CSMD2: variants seen among roughly 807,000 people sequenced by gnomAD.
The protein encoded by CSMD2 is CUB and sushi domain-containing protein 2.
Under a neutral mutation model 398.5 loss-of-function variants are expected in CSMD2, and 130 were observed. The observed-to-expected ratio is 0.33, with a 90% CI of 0.28 to 0.38. The LOEUF (loss-of-function observed/expected upper bound fraction) is 0.38. CSMD2 is among the 10% of genes least tolerant of loss of function. CSMD2 has a pLI of 1.00. For missense variants in CSMD2, 3,829 were observed against 4,764.9 expected (o/e 0.80, Z 5.78); for synonymous variants, 1,828 against 1,908.5 (o/e 0.96, Z 1.10).
At chr1:33,820,325 C>A in intron 8 of CSMD2, 144 bp downstream of exon 8, 1 of 692,458 alleles carries the variant, frequency 1.4e-6, no homozygotes, top group East Asian at 2.5e-5. Context: ...AATGTCAAAG[C>A]CATAGCTCTT....
At chr1:33,766,651 GGT>G (rs1650542081) in intron 13 of CSMD2, among the ~76,000 whole-genome samples, 1 of 152,176 alleles carries the variant, frequency 6.6e-6, no homozygotes, top group Non-Finnish European at 1.5e-5. Flanking sequence ...AGTCCACAAA[GGT>G]GTGCTACAGA....
chr1:33,913,246 A>G (rs1485124463), intron 5 of CSMD2, among the ~76,000 whole-genome samples: 1 of 152,182 alleles, frequency 6.6e-6, no homozygotes, highest in Non-Finnish European at 1.5e-5. Context: ...CCCCTCTTCT[A>G]ACTTTTGCAA....
rs72457395 is a variant in CSMD2 at position 33,957,929 on chromosome 1, C to CTGTG, written c.518-21979_518-21976dup. 7.8e-3 allele frequency among the ~76,000 whole-genome samples: 1,169 copies of CTGTG among 150,214 alleles called. 9 individuals carry two copies. Among genetic ancestry groups the CTGTG allele is most frequent in the Non-Finnish European group, 0.01 (677 of 67,368 alleles). ...TGTACTAGACCCATTAACTCAGTCACTGTGTGTGTGTGTGTGTGTGTGTGT... is the reference window on the plus strand; with the variant it reads ...TGTACTAGACCCATTAACTCAGTCACTGTGTGTGTGTGTGTGTGTGTGTGTGTGT... On this transcript the variant is annotated intron_variant, in intron 3 of 70. Transcript: ENST00000373381.
intron 5 of CSMD2, among the ~76,000 whole-genome samples, chr1:33,879,681 G>C (rs958537835): frequency 6.6e-6 from 1 of 152,178 alleles, no homozygotes; most frequent in Non-Finnish European, 1.5e-5. Context: ...CTATAATCAT[G>C]AGCATTGGTT....
intron 5 of CSMD2, among the ~76,000 whole-genome samples, chr1:33,916,143 G>A (rs1643711579): frequency 6.6e-6 from 1 of 152,020 alleles, no homozygotes; most frequent in Non-Finnish European, 1.5e-5. Context: ...CATCTGTGAT[G>A]GTACAGGAAA....
intron 46 of CSMD2, among the ~76,000 whole-genome samples, chr1:33,584,328 C>T (rs774316068): frequency 1.3e-5 from 2 of 152,170 alleles, no homozygotes; most frequent in Non-Finnish European, 2.9e-5. Context: ...GCTTCTCTAT[C>T]TCCAACACAG....
chr1:33,831,323 C>T (rs1040219268), intron 6 of CSMD2, among the ~76,000 whole-genome samples: 1 of 152,210 alleles, frequency 6.6e-6, no homozygotes, highest in Non-Finnish European at 1.5e-5. Flanking sequence ...TCGGCAGAAA[C>T]TCTACAAGTC....
intron 3 of CSMD2, among the ~76,000 whole-genome samples, chr1:33,959,951 G>C (rs770854725): frequency 6.6e-6 from 1 of 152,170 alleles, no homozygotes; most frequent in Non-Finnish European, 1.5e-5. Context: ...TCCTAGCAGC[G>C]TGGGCATAGG....
At chr1:33,708,728 A>G (rs551219444) in intron 22 of CSMD2, among the ~76,000 whole-genome samples, 36 of 151,974 alleles carry the variant, frequency 2.4e-4, no homozygotes, top group African/African-American at 8.0e-4. Context: ...CAGCCTACCC[A>G]GTAGCTGGGA....
At chr1:34,108,694 G>A (rs927473820) in intron 1 of CSMD2, among the ~76,000 whole-genome samples, 2 of 152,200 alleles carry the variant, frequency 1.3e-5, no homozygotes, top group African/African-American at 4.8e-5. Context: ...GAGGGAAAGA[G>A]GCTGAAGAGG....
chr1:33,956,843 T>C (rs1645186187), intron 3 of CSMD2, among the ~76,000 whole-genome samples: 1 of 152,082 alleles, frequency 6.6e-6, no homozygotes, highest in Admixed American at 6.6e-5. Context: ...AATTAGAGCA[T>C]GTCTCTCCCC....
intron 65 of CSMD2, among the ~76,000 whole-genome samples, chr1:33,526,130 G>T (rs1018370529): frequency 2.6e-5 from 4 of 152,074 alleles, no homozygotes; most frequent in African/African-American, 9.7e-5. Flanking sequence ...TTTATTATTT[G>T]TCAATTAAAA....
At chr1:33,662,030 CA>C (rs995608770) in intron 26 of CSMD2, among the ~76,000 whole-genome samples, 3 of 151,352 alleles carry the variant, frequency 2.0e-5, no homozygotes, top group Admixed American at 6.6e-5. Flanking sequence ...GTCACTTGAT[CA>C]GGGGGAGGAA....
At chr1:34,135,118 G>T (rs750861994) in intron 1 of CSMD2, among the ~76,000 whole-genome samples, 6 of 152,090 alleles carry the variant, frequency 3.9e-5, no homozygotes, top group African/African-American at 1.4e-4. Flanking sequence ...AAAATGTAGC[G>T]TTACAAAGAA....
intron 21 of CSMD2, among the ~76,000 whole-genome samples, chr1:33,712,590 T>A (rs988638673): frequency 6.6e-6 from 1 of 152,220 alleles, no homozygotes; most frequent in Admixed American, 6.5e-5. Flanking sequence ...TTGTGAGGTG[T>A]CATGAACAAA....
At chr1:33,972,604 G>C (rs561390287) in intron 3 of CSMD2, among the ~76,000 whole-genome samples, 2 of 152,118 alleles carry the variant, frequency 1.3e-5, no homozygotes, top group African/African-American at 4.8e-5. Context: ...TCAGAGTGAC[G>C]GGAGGACGGG....
intron 25 of CSMD2, among the ~76,000 whole-genome samples, chr1:33,675,056 A>C (rs1317978878): frequency 6.6e-6 from 1 of 152,266 alleles, no homozygotes; most frequent in Non-Finnish European, 1.5e-5. Flanking sequence ...GAACTAGAGA[A>C]GGAAGAGCAA....
At chr1:33,708,096 C>T (rs1479804228) in intron 22 of CSMD2, among the ~76,000 whole-genome samples, 2 of 152,178 alleles carry the variant, frequency 1.3e-5, no homozygotes, top group Non-Finnish European at 2.9e-5. Context: ...ATACACCACA[C>T]ATTATTGGAG....
chr1:34,087,962 G>T (rs979846019), intron 2 of CSMD2, among the ~76,000 whole-genome samples: 1 of 152,146 alleles, frequency 6.6e-6, no homozygotes, highest in Non-Finnish European at 1.5e-5. Context: ...GCTGCAGAAG[G>T]GGTGCAGGGG....
Sources: gnomAD v4.1 joint callset for allele counts (sites outside exome capture counted in the v4.1 genomes callset) on GRCh38, gnomAD v4.1.1 for gene constraint, MANE v1.5 for transcripts, NCBI Gene and HGNC (gene_info 2026-07-23, HGNC 2026-07-21) for gene names.